The following ADCY2 variants were observed in gnomAD, a reference collection of about 807,000 sequenced individuals.
ADCY2 encodes the protein adenylate cyclase type 2.
A neutral mutation model predicts 125.2 loss-of-function variants in ADCY2; 31 were observed. The ratio of observed to expected loss-of-function variants is 0.25; its 90% CI spans 0.19 to 0.33. The LOEUF is 0.33. ADCY2 is among the 10% of genes least tolerant of loss of function. The pLI is 1.00. For missense variants in ADCY2, 904 were observed against 1,418.2 expected (o/e 0.64, Z 5.82); for synonymous variants, 512 against 548.4 (o/e 0.93, Z 0.93).
intron 15 of ADCY2, 51 bp downstream of exon 15, chr5:7,743,803 A>G: frequency 6.4e-7 from 1 of 1,572,726 alleles, no homozygotes; most frequent in Non-Finnish European, 8.7e-7. Flanking sequence ...ATTTCATGAA[A>G]GCTGATTTCT....
At chr5:7,443,637 C>T (rs1378196308) in intron 2 of ADCY2, among the ~76,000 whole-genome samples, 81 of 51,956 alleles carry the variant, frequency 1.6e-3, no homozygotes, top group African/African-American at 6.0e-3. Context: ...AAGACTCTGT[C>T]TCAAAAAAAA....
At chr5:7,743,998 T>A (rs896439259) in intron 15 of ADCY2, among the ~76,000 whole-genome samples, 2 of 152,194 alleles carry the variant, frequency 1.3e-5, no homozygotes, top group African/African-American at 4.8e-5. Context: ...GAAGTTGCAT[T>A]CTTGCTTATT....
chr5:7,705,035 T>C (rs1741223492), intron 7 of ADCY2, among the ~76,000 whole-genome samples: 1 of 152,206 alleles, frequency 6.6e-6, no homozygotes, highest in Admixed American at 6.5e-5. Flanking sequence ...GACTCCTTTT[T>C]CCTCCCTTTT....
Position 7,414,691 on chromosome 5 carries a change from C to T in ADCY2, c.329C>T (p.Ser110Leu). 6.2e-7 allele frequency: 1 copy of T among 1,613,892 alleles called. No homozygotes were observed. ...TTTAAGAAGCTGCTGCGCCTCTTCT[C>T]GTTGGTGATATGGATATGCCTTGTT... ...SVFKKLLRLF[S>L]LVIWICLVAM... Residue 110 changes from serine to leucine, a missense_variant, in exon 2 of 25, where the codon TCG (serine) becomes TTG (leucine). Physicochemically the swap from Ser to Leu is moderately radical, Grantham distance 145. Transcript: ENST00000338316.
intron 4 of ADCY2, among the ~76,000 whole-genome samples, chr5:7,652,548 T>C (rs752776318): frequency 1.6e-4 from 25 of 152,340 alleles, no homozygotes; most frequent in Middle Eastern, 3.4e-3. Flanking sequence ...AAAACTGACA[T>C]TGTATTCTCT....
intron 11 of ADCY2, among the ~76,000 whole-genome samples, chr5:7,715,618 AT>A (rs1200966392): frequency 6.6e-6 from 1 of 151,724 alleles, no homozygotes; most frequent in Non-Finnish European, 1.5e-5. Flanking sequence ...GGAATTTGGT[AT>A]GCTAAAACCT....
intron 4 of ADCY2, among the ~76,000 whole-genome samples, chr5:7,641,710 C>T (rs561680316): frequency 9.9e-5 from 15 of 152,170 alleles, no homozygotes; most frequent in African/African-American, 2.2e-4. Flanking sequence ...CAGTGTCTAT[C>T]GTCCCATCTT....
intron 15 of ADCY2, among the ~76,000 whole-genome samples, chr5:7,756,118 C>T (rs1742984819): frequency 6.6e-6 from 1 of 152,260 alleles, no homozygotes. Context: ...AGGACTTTTA[C>T]TTCCTGCTTC....
At chr5:7,787,337 C>G in intron 19 of ADCY2, among the ~76,000 whole-genome samples, 1 of 152,216 alleles carries the variant, frequency 6.6e-6, no homozygotes, top group East Asian at 1.9e-4. Context: ...CCCCTCCTTT[C>G]TCTTGTAAGC....
At chr5:7,798,818 C>T (rs1349484868) in intron 20 of ADCY2, 3 of 152,108 alleles carry the variant, frequency 2.0e-5, no homozygotes, top group Non-Finnish European at 2.9e-5. Flanking sequence ...CTGCCTACCT[C>T]GGCCTCCCAA....
At position 7,709,384 on chromosome 5, in the gene ADCY2, C is replaced by G. The variant is rs1741367522; in HGVS notation, c.1575C>G (p.Thr525=). 2 of 1,592,974 alleles carry G rather than the reference C, an allele frequency of 1.3e-6. No individual in the cohort carries two copies. The highest frequency in any genetic ancestry group is 2.3e-5 in the South Asian group (2 of 88,428). Residue 525 remains threonine, a synonymous_variant, in exon 10 of 25, where the codon ACC becomes ACG. Coordinates refer to ENST00000338316, the MANE Select transcript of ADCY2 (RefSeq NM_020546.3). The surrounding 1 kb of genome is among the most constrained non-coding windows in gnomAD (Gnocchi z 4.4). ...SMTTENGKIS[T]TDVPMGQHNF... ...CCACAGAGAACGGCAAGATCAGCAC[C>G]ACGGTATGCCCTCCCCTGCCTCCAA...
At chr5:7,490,250 C>A (rs185892015) in intron 2 of ADCY2, among the ~76,000 whole-genome samples, 1 of 151,908 alleles carries the variant, frequency 6.6e-6, no homozygotes, top group East Asian at 1.9e-4. Flanking sequence ...TTCTTTTATT[C>A]CATTAATACC....
In ADCY2 at chr5:7,714,309, C is replaced by T. The variant is rs572415002; in HGVS notation, c.1622+1410C>T. ...TCATAGTCTCTTCTGTTATCTGTCT[C>T]TTCCTTCCAGCAATCCTGCTTTAAG... On this transcript the variant is annotated intron_variant, in intron 11 of 24. Transcript: ENST00000338316. Among the ~76,000 whole-genome samples, 3 of 152,322 alleles carry T rather than the reference C, an allele frequency of 2.0e-5. No individual in the cohort carries two copies. The East Asian group carries it at 5.8e-4, about 29-fold the overall frequency.
chr5:7,780,873 T>C (rs1259705986), intron 18 of ADCY2, among the ~76,000 whole-genome samples: 1 of 152,118 alleles, frequency 6.6e-6, no homozygotes, highest in African/African-American at 2.4e-5. Context: ...TACGTTGGGG[T>C]GTGGTGTTCT....
At chr5:7,411,344 A>G (rs1359911968) in intron 1 of ADCY2, among the ~76,000 whole-genome samples, 2 of 152,148 alleles carry the variant, frequency 1.3e-5, no homozygotes, top group African/African-American at 2.4e-5. Flanking sequence ...CTCCTCTGCT[A>G]TGCAGAACCC....
intron 2 of ADCY2, among the ~76,000 whole-genome samples, chr5:7,513,078 G>C (rs927923958): frequency 2.5e-4 from 31 of 124,078 alleles, no homozygotes; most frequent in African/African-American, 8.4e-4. Context: ...GAAAATACAT[G>C]ACACACACAC....
chr5:7,809,012 G>A (rs112359716), intron 22 of ADCY2, among the ~76,000 whole-genome samples: 26 of 152,130 alleles, frequency 1.7e-4, no homozygotes, highest in African/African-American at 5.6e-4. Flanking sequence ...GTTACCTTAC[G>A]CATGAAATGG....
At chr5:7,405,815 T>C (rs1739464178) in intron 1 of ADCY2, among the ~76,000 whole-genome samples, 1 of 152,224 alleles carries the variant, frequency 6.6e-6, no homozygotes, top group South Asian at 2.1e-4. Context: ...CCCTAATTAC[T>C]ACAGCAGTCC....
chr5:7,644,717 T>C (rs966285077), intron 4 of ADCY2, among the ~76,000 whole-genome samples: 1 of 152,162 alleles, frequency 6.6e-6, no homozygotes, highest in African/African-American at 2.4e-5. Context: ...ACCTCCCTTT[T>C]TGGCTTTCAC....
Sources: gnomAD v4.1 joint callset for allele counts (sites outside exome capture counted in the v4.1 genomes callset) on GRCh38, gnomAD v4.1.1 for gene constraint, Gnocchi (gnomAD v3.1) non-coding constraint, MANE v1.5 for transcripts, NCBI Gene and HGNC (gene_info 2026-07-23, HGNC 2026-07-21) for gene names.